The following KRT8 variants were observed in gnomAD, a reference collection of about 807,000 sequenced individuals.
KRT8 encodes keratin 8.
A neutral mutation model predicts 43.0 loss-of-function variants in KRT8; 24 were observed. The observed-to-expected ratio is 0.56, with a 90% CI of 0.40 to 0.78. The LOEUF (loss-of-function observed/expected upper bound fraction) is 0.78, where lower values mean the gene tolerates loss of function less well. Among genes scored for constraint, KRT8 ranks in the 30% least tolerant of loss-of-function variants. The pLI, the probability that KRT8 is intolerant of heterozygous loss-of-function variation, is 0.00. For synonymous variants in KRT8, 214 were observed against 261.2 expected, an observed-to-expected ratio of 0.82 and a Z score of 1.74; for missense variants, 492 against 638.4, an observed-to-expected ratio of 0.77 and a Z score of 2.47.
intron 5 of KRT8, among the ~76,000 whole-genome samples, chr12:52,899,529 T>C (rs1011415509): frequency 5.3e-5 from 8 of 152,034 alleles, no homozygotes; most frequent in Non-Finnish European, 8.8e-5. Context: ...CTTGGGAGCA[T>C]GTATCACGAG....
At chr12:52,949,605 G>A (rs201665046) in intron 1 of KRT8, 31 of 1,608,174 alleles carry the variant, frequency 1.9e-5, no homozygotes, top group Middle Eastern at 3.3e-4. Flanking sequence ...GGGGTAGGAG[G>A]GACCTCAACT....
intron 2 of KRT8, among the ~76,000 whole-genome samples, chr12:52,914,401 G>A (rs1941695416): frequency 1.3e-5 from 2 of 152,182 alleles, no homozygotes; most frequent in South Asian, 4.1e-4. Context: ...GCATAGTATG[G>A]TGGCGCATGC....
Position 52,934,969 on chromosome 12 carries a change from C to CA in KRT8, c.-47+14486dup, listed in dbSNP as rs916289446. On this transcript the variant is annotated intron_variant, in intron 2 of 6. Transcript: ENST00000546826. ...GGGCAACAAGAGTGAAACTCCGTCT[C>CA]AAAAAAAAAAGGATAGATACATCTA... 1.4e-4 allele frequency among the ~76,000 whole-genome samples: 19 copies of CA among 137,096 alleles called. 1 individual carries two copies. Among genetic ancestry groups the CA allele is most frequent in the South Asian group, 4.7e-4 (2 of 4,250 alleles). The allele number at this position is 137,096 out of a possible 152,430, so 89.9% of individuals were successfully genotyped here.
Position 52,918,180 on chromosome 12 carries a change from G to GAA in KRT8, c.-46-13154_-46-13153insTT. ...GGGAAGAAGAAGAAGAAGAGGAAGA[G>GAA]GAAGAAGAAGAAGAAGAAGAAGAAC... On this transcript the variant is annotated intron_variant, in intron 2 of 6. Coordinates refer to the KRT8 transcript ENST00000546826. Among the ~76,000 whole-genome samples, 309 of 73,766 alleles carry GAA rather than the reference G, an allele frequency of 4.2e-3. 16 individuals carry two copies. Among genetic ancestry groups the GAA allele is most frequent in the African/African-American group, 8.0e-3 (132 of 16,584 alleles). 48.4% of individuals were successfully genotyped at this position (73,766 alleles called of 152,430 possible).
intron 1 of KRT8, 131 bp downstream of exon 1, chr12:52,904,527 A>C: frequency 3.5e-6 from 3 of 849,600 alleles, no homozygotes; most frequent in Non-Finnish European, 5.9e-6. Flanking sequence ...CGGAGGATGG[A>C]AGGGAGAGTG....
At chr12:52,938,293 C>T (rs1324004885) in intron 2 of KRT8, among the ~76,000 whole-genome samples, 7 of 149,184 alleles carry the variant, frequency 4.7e-5, no homozygotes, top group African/African-American at 1.2e-4. Flanking sequence ...CTTGGCCTCC[C>T]GAGTAGCTGG....
intron 2 of KRT8, among the ~76,000 whole-genome samples, chr12:52,934,490 G>A (rs1018794118): frequency 6.6e-6 from 1 of 152,156 alleles, no homozygotes; most frequent in African/African-American, 2.4e-5. Context: ...AACCCAGTAG[G>A]CAGAGGTTGG....
exon 8 of KRT8, chr12:52,897,461 C>A (rs767865856): frequency 2.5e-6 from 4 of 1,599,512 alleles, no homozygotes; most frequent in Middle Eastern, 3.6e-4. Context: ...ACTCAGACAC[C>A]AGCTTCCCAT....
chr12:52,904,582 G>T, intron 1 of KRT8, 76 bp downstream of exon 1: 1 of 1,370,398 alleles, frequency 7.3e-7, no homozygotes. Context: ...CTGGGGGCTG[G>T]AGATGTGCAT....
At chr12:52,936,813 C>A (rs192912659) in intron 2 of KRT8, among the ~76,000 whole-genome samples, 13 of 152,256 alleles carry the variant, frequency 8.5e-5, no homozygotes, top group South Asian at 2.1e-4. Flanking sequence ...CTGTGCCCAG[C>A]TGCTAGATTT....
chr12:52,927,332 G>A (rs1235075825), intron 2 of KRT8, among the ~76,000 whole-genome samples: 3 of 152,236 alleles, frequency 2.0e-5, no homozygotes, highest in Non-Finnish European at 2.9e-5. Context: ...CAGTGAGAGG[G>A]TGAAGAGGGG....
chr12:52,936,811 A>G (rs66534130), intron 2 of KRT8, among the ~76,000 whole-genome samples: 32,139 of 152,048 alleles, frequency 0.21, 3,488 homozygotes, highest in East Asian at 0.27. Context: ...CACTGTGCCC[A>G]GCTGCTAGAT....
chr12:52,918,483 C>T (rs11170336), intron 2 of KRT8, among the ~76,000 whole-genome samples: 48,204 of 151,954 alleles, frequency 0.32, 7,984 homozygotes, highest in Middle Eastern at 0.41. Context: ...GCATCTGAGC[C>T]CCGCCAGACA....
At chr12:52,909,568 G>T (rs896105256), upstream of KRT8, among the ~76,000 whole-genome samples, 1 of 152,322 alleles carries the variant, frequency 6.6e-6, no homozygotes, top group Non-Finnish European at 1.5e-5. Flanking sequence ...TGGATCTGAT[G>T]ATTAAAGCCA....
Sources: gnomAD v4.1 joint callset for allele counts (sites outside exome capture counted in the v4.1 genomes callset) on GRCh38, gnomAD v4.1.1 for gene constraint, MANE v1.5 for transcripts, NCBI Gene and HGNC (gene_info 2026-07-23, HGNC 2026-07-21) for gene names.